The following LYZL2 variants were observed in gnomAD, a reference collection of about 807,000 sequenced individuals.
LYZL2 encodes the protein lysozyme like 2, also known as lysozyme-like protein 2.
LYZL2 carries 13 observed loss-of-function variants against 17.1 expected under a neutral mutation model. The observed-to-expected ratio is 0.76, with a 90% confidence interval of 0.49 to 1.21. The LOEUF (loss-of-function observed/expected upper bound fraction) is 1.21, where lower values mean the gene tolerates loss of function less well. LYZL2 is among the 50% of genes most tolerant of loss of function. The pLI, the probability that LYZL2 is intolerant of heterozygous loss-of-function variation, is 0.00. For synonymous variants in LYZL2, 63 were observed against 74.4 expected, an observed-to-expected ratio of 0.85 and a Z score of 0.79; for missense variants, 166 against 189.2, an observed-to-expected ratio of 0.88 and a Z score of 0.72.
downstream of LYZL2, among the ~76,000 whole-genome samples, chr10:30,610,387 T>C (rs1305687204): frequency 1.3e-5 from 2 of 152,174 alleles, no homozygotes; most frequent in African/African-American, 2.4e-5. Flanking sequence ...GTTCATGTCC[T>C]TTGCGGGGAC....
intron 1 of LYZL2, among the ~76,000 whole-genome samples, chr10:30,628,183 G>A (rs1157503216): frequency 1.3e-5 from 2 of 152,132 alleles, no homozygotes. Flanking sequence ...TTCATCGTTT[G>A]GGGGTTTATT....
In LYZL2 at chr10:30,612,757, T is replaced by A. The variant is rs539128443; in HGVS notation, c.377+65A>T. 3.3e-5 allele frequency: 42 copies of A among 1,270,874 alleles called. No individual in the cohort carries two copies. The African/African-American group carries it at 4.4e-4, about 13-fold the overall frequency. The allele number at this position is 1,270,874 out of a possible 1,614,324, so 78.7% of individuals were successfully genotyped here. On this transcript the variant is annotated intron_variant, in intron 4 of 4. Transcript: ENST00000647634. ...GTGAGTTTGTCAATTCCACCATAAC[T>A]GTGATAAATACACACACTAGGTTTT...
At chr10:30,626,642 C>T (rs395546) in intron 2 of LYZL2, 135 bp downstream of exon 2, 907,727 of 1,227,628 alleles carry the variant, frequency 0.74, 316,386 homozygotes, top group African/African-American at 0.87. Flanking sequence ...ACAGTTAGGC[C>T]AGCAGCCACC....
intron 3 of LYZL2, among the ~76,000 whole-genome samples, chr10:30,623,841 C>T (rs77573791): frequency 0.024 from 3,657 of 152,316 alleles, 74 homozygotes; most frequent in Middle Eastern, 0.061. Flanking sequence ...TCCTCCCCCT[C>T]GTCCACGGAA....
At chr10:30,610,954 G>C (rs767795853), downstream of LYZL2, among the ~76,000 whole-genome samples, 2 of 152,032 alleles carry the variant, frequency 1.3e-5, no homozygotes, top group Admixed American at 6.5e-5. Context: ...CTAGGCTTGT[G>C]GGTATGCATA....
intron 3 of LYZL2, among the ~76,000 whole-genome samples, chr10:30,615,880 T>C (rs879541062): frequency 4.7e-4 from 24 of 51,392 alleles, no homozygotes; most frequent in Non-Finnish European, 8.0e-4. Flanking sequence ...TAGATAGCAC[T>C]GGTTTAGAAA....
At chr10:30,624,485 C>G (rs2132948509) in intron 3 of LYZL2, among the ~76,000 whole-genome samples, 1 of 151,328 alleles carries the variant, frequency 6.6e-6, no homozygotes. Context: ...TTCTTAATCC[C>G]TCACTTCACT....
At chr10:30,611,583 G>GGAAGGAA (rs1564405907), downstream of LYZL2, among the ~76,000 whole-genome samples, 1 of 114,350 alleles carries the variant, frequency 8.7e-6, no homozygotes, top group African/African-American at 3.8e-5. Flanking sequence ...AAGAAAGAAA[G>GGAAGGAA]AAAGAAAGAA....
chr10:30,607,433 C>T (rs981947117), downstream of LYZL2, among the ~76,000 whole-genome samples: 1 of 152,016 alleles, frequency 6.6e-6, no homozygotes, highest in African/African-American at 2.4e-5. Context: ...TCTCTCCTCT[C>T]TCCTGTTCTC....
At chr10:30,628,442 G>A (rs376583912) in intron 1 of LYZL2, among the ~76,000 whole-genome samples, 63 of 152,220 alleles carry the variant, frequency 4.1e-4, no homozygotes, top group East Asian at 2.7e-3. Context: ...CAATAAAGAG[G>A]CCCCCATAGA....
At chr10:30,627,888 G>A (rs561294262) in intron 1 of LYZL2, among the ~76,000 whole-genome samples, 8 of 152,334 alleles carry the variant, frequency 5.3e-5, no homozygotes, top group East Asian at 3.9e-4. Flanking sequence ...GGCCAGGCGC[G>A]GTGGCTCACG....
chr10:30,610,318 C>T (rs187004018), downstream of LYZL2, among the ~76,000 whole-genome samples: 195 of 152,048 alleles, frequency 1.3e-3, no homozygotes, highest in Non-Finnish European at 1.3e-4. Flanking sequence ...GACTTTCCAG[C>T]AGGATTTGGG....
chr10:30,619,683 G>A (rs190479817), intron 3 of LYZL2, among the ~76,000 whole-genome samples: 2 of 151,116 alleles, frequency 1.3e-5, no homozygotes, highest in Admixed American at 6.6e-5. Context: ...GTTGTGGGGT[G>A]GGGGGAGGCG....
chr10:30,618,063 C>T (rs1268167009), intron 3 of LYZL2, among the ~76,000 whole-genome samples: 2 of 151,472 alleles, frequency 1.3e-5, no homozygotes, highest in Admixed American at 6.6e-5. Context: ...CATGAGTGAA[C>T]TCCCATTCAC....
At chr10:30,616,364 G>T (rs382502) in intron 3 of LYZL2, among the ~76,000 whole-genome samples, 108,683 of 152,188 alleles carry the variant, frequency 0.71, 39,208 homozygotes, top group Middle Eastern at 0.8. Context: ...GTTCTACAGT[G>T]AAAACTAAAG....
downstream of LYZL2, among the ~76,000 whole-genome samples, chr10:30,611,332 G>A (rs538560671): frequency 6.6e-6 from 1 of 151,786 alleles, no homozygotes; most frequent in Admixed American, 6.6e-5. Flanking sequence ...AGACCAGGCT[G>A]GGCAACATGG....
rs1248467917 is a variant in LYZL2, at chr10:30,626,347, C to G, written c.140-84G>C. ...TGGTCTAAGGGCAAGTTTCCTCATCCCTGTTACCTGACTGCTTCCTCCCAA... is the reference window on the plus strand; with the variant it reads ...TGGTCTAAGGGCAAGTTTCCTCATCGCTGTTACCTGACTGCTTCCTCCCAA... On this transcript the variant is annotated intron_variant, in intron 2 of 4. Coordinates refer to ENST00000647634, the MANE Select transcript of LYZL2 (RefSeq NM_183058.3). The G allele has an allele frequency of 4.0e-5, 62 of 1,562,068 alleles. No individual in the cohort carries two copies. The Middle Eastern group carries it at 6.9e-4, about 17-fold the overall frequency.
At chr10:30,608,276 T>G (rs1165902451), downstream of LYZL2, among the ~76,000 whole-genome samples, 1 of 152,230 alleles carries the variant, frequency 6.6e-6, no homozygotes, top group African/African-American at 2.4e-5. Context: ...TGTAATTGGT[T>G]TCTAGTTGGA....
chr10:30,611,587 G>GAAAGA (rs1564405915), downstream of LYZL2, among the ~76,000 whole-genome samples: 3 of 116,894 alleles, frequency 2.6e-5, no homozygotes, highest in African/African-American at 1.1e-4. Flanking sequence ...AAGAAAGAAA[G>GAAAGA]AAAGAAAGAA....
Sources: allele counts gnomAD v4.1 joint callset (sites outside exome capture counted in the v4.1 genomes callset), GRCh38; gene constraint gnomAD v4.1.1; transcripts MANE v1.5; gene names NCBI Gene and HGNC (gene_info 2026-07-23, HGNC 2026-07-21).